The following RASA1 variants were observed in gnomAD, a reference collection of about 807,000 sequenced individuals.
The protein encoded by RASA1 is RAS p21 protein activator 1.
A neutral mutation model predicts 132.2 loss-of-function variants in RASA1; 25 were observed. That is an observed-to-expected ratio of 0.19 (90% CI 0.14 to 0.26). The LOEUF is 0.26. RASA1 is among the 10% of genes least tolerant of loss of function. The pLI is 1.00. For missense variants in RASA1, 964 were observed against 1,299.2 expected (o/e 0.74, Z 3.97); for synonymous variants, 477 against 449.9 (o/e 1.06, Z -0.76).
intron 11 of RASA1, among the ~76,000 whole-genome samples, chr5:87,366,821 CAG>C (rs1760558713): frequency 6.6e-6 from 1 of 152,102 alleles, no homozygotes; most frequent in Non-Finnish European, 1.5e-5. Flanking sequence ...CGCTTAAGCT[CAG>C]GGGTTGGAGA....
intron 1 of RASA1, among the ~76,000 whole-genome samples, chr5:87,280,533 G>A: frequency 6.6e-6 from 1 of 151,500 alleles, no homozygotes; most frequent in Non-Finnish European, 1.5e-5. Flanking sequence ...GGCCGGTCCT[G>A]AACTCCTGAC....
rs759595320 is a variant in RASA1, at chr5:87,380,527, T to C, written c.2622T>C (p.Tyr874=). Residue 874 remains tyrosine (Y), a synonymous_variant, in exon 20 of 25, where the codon TAT becomes TAC. Transcript: ENST00000274376. ...TTGGCAGGACATTGAGATATATTTA[T>C]GGGTGTTTACAGAAATCTGTTCAGC... ...EILPPTLRYI[Y]GCLQKSVQHK... is the part of the protein sequence containing the mutation. 20 of 1,612,900 alleles carry C rather than the reference T, an allele frequency of 1.2e-5. No individual in the cohort carries two copies. The Admixed American group carries it at 3.2e-4, about 26-fold the overall frequency.
intron 4 of RASA1, among the ~76,000 whole-genome samples, chr5:87,335,345 T>G (rs1757887267): frequency 2.0e-5 from 3 of 151,968 alleles, no homozygotes; most frequent in Admixed American, 2.0e-4. Context: ...CATTCTGTAT[T>G]GGCCATCAAG....
chr5:87,286,100 C>A (rs1330640923), intron 1 of RASA1, among the ~76,000 whole-genome samples: 1 of 152,106 alleles, frequency 6.6e-6, no homozygotes, highest in East Asian at 1.9e-4. Context: ...CCTCCCGCTT[C>A]AAGCAATTCT....
chr5:87,334,095 A>G (rs1402740666), intron 4 of RASA1, among the ~76,000 whole-genome samples: 1 of 152,150 alleles, frequency 6.6e-6, no homozygotes, highest in Non-Finnish European at 1.5e-5. Flanking sequence ...TGTTCTCTAG[A>G]GGAGATTTTT....
At chr5:87,283,023 A>G (rs1218895493) in intron 1 of RASA1, among the ~76,000 whole-genome samples, 1 of 152,004 alleles carries the variant, frequency 6.6e-6, no homozygotes, top group Non-Finnish European at 1.5e-5. Flanking sequence ...GCAGTAAATT[A>G]TTATTATAAA....
At chr5:87,375,932 C>A (rs899155444) in intron 15 of RASA1, among the ~76,000 whole-genome samples, 17 of 152,148 alleles carry the variant, frequency 1.1e-4, no homozygotes, top group African/African-American at 3.9e-4. Context: ...GAAGGCCATA[C>A]CTTATATTTG....
In RASA1 at chr5:87,349,197, C is replaced by T. The variant is rs200562377; in HGVS notation, c.1103-17C>T. On this transcript the variant is annotated splice_polypyrimidine_tract_variant and intron_variant, in intron 7 of 24. Transcript: ENST00000274376. The stretch of plus-strand genomic sequence containing the variant: ...TATTTGATAATTAGGGAAAAACTAA[C>T]AGCTTAATTCTTACAGTTGGTCAAG... 161 of 1,610,172 alleles carry T rather than the reference C, an allele frequency of 1.0e-4. No homozygotes were observed. In the African/African-American group the frequency reaches 1.9e-3, roughly 19 times the overall value.
At chr5:87,388,986 A>G (rs1219253371) in intron 23 of RASA1, among the ~76,000 whole-genome samples, 1 of 152,200 alleles carries the variant, frequency 6.6e-6, no homozygotes, top group Admixed American at 6.5e-5. Flanking sequence ...TACGGAAAAA[A>G]ATGGAATCTG....
At chr5:87,380,165 ACT>A (rs1410675705) in intron 19 of RASA1, among the ~76,000 whole-genome samples, 6 of 152,010 alleles carry the variant, frequency 3.9e-5, no homozygotes, top group African/African-American at 1.4e-4. Flanking sequence ...TAGACTAATC[ACT>A]CTGTTAATAT....
chr5:87,277,369 T>C (rs572652975), intron 1 of RASA1, among the ~76,000 whole-genome samples: 1 of 152,198 alleles, frequency 6.6e-6, no homozygotes, highest in Non-Finnish European at 1.5e-5. Context: ...AATTTGGAGA[T>C]ACAGCCTTTA....
chr5:87,331,385 G>A lies in RASA1; in HGVS notation c.577G>A (p.Glu193Lys). Residue 193 changes from glutamate to lysine, a missense_variant, in exon 2 of 25, where the codon GAA becomes AAA. By Grantham distance (56) the Glu-to-Lys change is moderately conservative. This residue lies in a region of RASA1 where 326 missense variants were observed against 275.8 expected (regional missense o/e 1.18). Coordinates refer to ENST00000274376, the MANE Select transcript of RASA1 (RefSeq NM_002890.3). ...HGKLDRTIAEERLRQAGKSGS... is the reference protein window; with the variant it reads ...HGKLDRTIAEKRLRQAGKSGS... ...AAAACTTGACAGAACGATAGCAGAA[G>A]AACGCCTCAGGCAGGCAGGGAAGTC... 6.2e-7 allele frequency: 1 copy of A among 1,612,586 alleles called. No homozygotes were observed. Among genetic ancestry groups the A allele is most frequent in the Non-Finnish European group, 8.5e-7 (1 of 1,178,640 alleles).
intron 1 of RASA1, among the ~76,000 whole-genome samples, chr5:87,296,317 C>T (rs989892127): frequency 3.9e-5 from 6 of 152,110 alleles, no homozygotes; most frequent in African/African-American, 4.8e-5. Flanking sequence ...CATAGGCATA[C>T]GCAAGCAGAT....
At chr5:87,377,617 T>A (rs925385393) in intron 17 of RASA1, among the ~76,000 whole-genome samples, 1 of 151,998 alleles carries the variant, frequency 6.6e-6, no homozygotes, top group Non-Finnish European at 1.5e-5. Context: ...GGGTTACAGG[T>A]CTTGTTTAAT....
chr5:87,300,876 A>G (rs1326735870), intron 1 of RASA1, among the ~76,000 whole-genome samples: 1 of 152,262 alleles, frequency 6.6e-6, no homozygotes, highest in Non-Finnish European at 1.5e-5. Context: ...AAAGAGGCAG[A>G]TGCATGAATT....
At chr5:87,362,772 T>G in intron 10 of RASA1, 101 bp downstream of exon 10, 1 of 1,336,048 alleles carries the variant, frequency 7.5e-7, no homozygotes, top group Non-Finnish European at 1.1e-6. Context: ...TGACATGAGT[T>G]ATTAGTAATT....
chr5:87,318,004 C>T (rs868421242), intron 1 of RASA1, among the ~76,000 whole-genome samples: 1 of 152,144 alleles, frequency 6.6e-6, no homozygotes, highest in Middle Eastern at 3.4e-3. Context: ...AAATATCCCC[C>T]CTTTATAATA....
chr5:87,281,738 G>A (rs374819993), intron 1 of RASA1, among the ~76,000 whole-genome samples: 8 of 151,784 alleles, frequency 5.3e-5, no homozygotes, highest in Admixed American at 3.3e-4. Context: ...ATGCCACCAC[G>A]CCCGGCAAAT....
At chr5:87,274,213 A>T (rs1753971685) in intron 1 of RASA1, among the ~76,000 whole-genome samples, 1 of 152,170 alleles carries the variant, frequency 6.6e-6, no homozygotes, top group Non-Finnish European at 1.5e-5. Flanking sequence ...TCTGGCCTGG[A>T]TCTTATGCTG....
Sources: gnomAD v4.1 joint callset for allele counts (sites outside exome capture counted in the v4.1 genomes callset) on GRCh38, gnomAD v4.1.1 for gene constraint, gnomAD v4.1.1 regional missense constraint, MANE v1.5 for transcripts, NCBI Gene and HGNC (gene_info 2026-07-23, HGNC 2026-07-21) for gene names.